CNTNAP2: variants seen among roughly 807,000 people sequenced by gnomAD.
The protein encoded by CNTNAP2 is contactin-associated protein-like 2.
In CNTNAP2, 98 loss-of-function variants were observed where a neutral mutation model predicts 155.2. The observed-to-expected ratio is 0.63, with a 90% CI of 0.54 to 0.75. The LOEUF (loss-of-function observed/expected upper bound fraction) is 0.75, where lower values mean the gene tolerates loss of function less well. Among genes scored for constraint, CNTNAP2 ranks in the 30% least tolerant of loss-of-function variants. CNTNAP2 has a pLI of 0.00. For synonymous variants in CNTNAP2, 651 were observed against 631.2 expected (o/e 1.03, Z -0.47); for missense variants, 1,727 against 1,688.1 (o/e 1.02, Z -0.40).
intron 8 of CNTNAP2, among the ~76,000 whole-genome samples, chr7:147,208,671 C>T (rs1225208139): frequency 6.6e-6 from 1 of 151,968 alleles, no homozygotes; most frequent in Non-Finnish European, 1.5e-5. Context: ...TGTTAAGATA[C>T]ACTCACCTAT....
intron 10 of CNTNAP2, among the ~76,000 whole-genome samples, chr7:147,427,580 G>C (rs142490647): frequency 6.6e-6 from 1 of 152,274 alleles, no homozygotes; most frequent in African/African-American, 2.4e-5. Context: ...GGGTGTTTTA[G>C]TGGGTAGATA....
At chr7:146,193,982 T>C (rs914018522) in intron 1 of CNTNAP2, among the ~76,000 whole-genome samples, 2 of 152,210 alleles carry the variant, frequency 1.3e-5, no homozygotes, top group Admixed American at 1.3e-4. Context: ...AGAGTCACCT[T>C]TATGCCAGTT....
At chr7:146,961,040 C>T (rs1438934057) in intron 3 of CNTNAP2, among the ~76,000 whole-genome samples, 1 of 152,182 alleles carries the variant, frequency 6.6e-6, no homozygotes, top group Non-Finnish European at 1.5e-5. Context: ...GTCTTCCCCA[C>T]TATTATTTTA....
At chr7:148,270,324 A>G (rs1796751816) in intron 21 of CNTNAP2, among the ~76,000 whole-genome samples, 1 of 152,222 alleles carries the variant, frequency 6.6e-6, no homozygotes, top group Non-Finnish European at 1.5e-5. Flanking sequence ...CTGCATACAC[A>G]AACTAGGTAA....
chr7:146,559,413 T>C (rs1431963632), intron 1 of CNTNAP2, among the ~76,000 whole-genome samples: 1 of 151,806 alleles, frequency 6.6e-6, no homozygotes, highest in Non-Finnish European at 1.5e-5. Context: ...ACTAAAAATA[T>C]AAAAATTAAC....
At chr7:148,408,051 G>T (rs960364521) in intron 22 of CNTNAP2, among the ~76,000 whole-genome samples, 1 of 152,074 alleles carries the variant, frequency 6.6e-6, no homozygotes, top group African/African-American at 2.4e-5. Context: ...TTGAGACCAG[G>T]CTGGCTAACA....
chr7:146,825,716 A>G (rs550105068), intron 2 of CNTNAP2, among the ~76,000 whole-genome samples: 1 of 152,168 alleles, frequency 6.6e-6, no homozygotes, highest in Non-Finnish European at 1.5e-5. Context: ...ATCTGTCTCA[A>G]TTGTCATGAG....
intron 6 of CNTNAP2, chr7:147,122,328 G>A (rs567898911): frequency 6.6e-6 from 1 of 152,334 alleles, no homozygotes; most frequent in African/African-American, 2.4e-5. Context: ...CTTAGTTCAT[G>A]GAGCCCTTAG....
At chr7:147,927,669 T>C (rs552204961) in intron 14 of CNTNAP2, among the ~76,000 whole-genome samples, 2 of 152,378 alleles carry the variant, frequency 1.3e-5, no homozygotes, top group African/African-American at 4.8e-5. Context: ...AGATTAACTA[T>C]ACTTGATCAA....
At chr7:146,964,356 G>A (rs1797614576) in intron 3 of CNTNAP2, among the ~76,000 whole-genome samples, 1 of 152,082 alleles carries the variant, frequency 6.6e-6, no homozygotes, top group East Asian at 1.9e-4. Flanking sequence ...AGTATTCTTT[G>A]GGGTTGTCTT....
chr7:147,883,535 G>T (rs562852685), intron 13 of CNTNAP2, among the ~76,000 whole-genome samples: 1 of 152,324 alleles, frequency 6.6e-6, no homozygotes, highest in South Asian at 2.1e-4. Flanking sequence ...TATGTTCAGA[G>T]ATGGTTATAT....
chr7:146,334,834 T>A (rs561413073), intron 1 of CNTNAP2, among the ~76,000 whole-genome samples: 2 of 152,360 alleles, frequency 1.3e-5, no homozygotes, highest in East Asian at 3.9e-4. Flanking sequence ...ACTTCAGTTA[T>A]CAGTATTATT....
intron 2 of CNTNAP2, among the ~76,000 whole-genome samples, chr7:146,824,007 G>C (rs1803349668): frequency 6.6e-6 from 1 of 152,040 alleles, no homozygotes. Context: ...ACATGCATTA[G>C]GTATTTCTCC....
chr7:146,598,612 C>G (rs1476805768), intron 1 of CNTNAP2, among the ~76,000 whole-genome samples: 2 of 151,856 alleles, frequency 1.3e-5, no homozygotes, highest in Non-Finnish European at 2.9e-5. Context: ...TCCTTTTTTT[C>G]TGGAATACTT....
chr7:147,888,764 C>T (rs1799639036), intron 13 of CNTNAP2, among the ~76,000 whole-genome samples: 2 of 150,194 alleles, frequency 1.3e-5, no homozygotes, highest in African/African-American at 4.9e-5. Context: ...ATATGCCACC[C>T]AGAAAAAAAC....
At chr7:146,351,407 G>C (rs1794913063) in intron 1 of CNTNAP2, among the ~76,000 whole-genome samples, 1 of 152,030 alleles carries the variant, frequency 6.6e-6, no homozygotes, top group Non-Finnish European at 1.5e-5. Flanking sequence ...TTTTATGTTT[G>C]CTTATTTTAA....
At chr7:146,765,285 T>C (rs1461643299) in intron 1 of CNTNAP2, among the ~76,000 whole-genome samples, 4 of 152,206 alleles carry the variant, frequency 2.6e-5, no homozygotes, top group African/African-American at 7.2e-5. Flanking sequence ...TTTTAAGTTG[T>C]TGAAGATCAG....
chr7:146,140,294 G>A (rs2116755454), intron 1 of CNTNAP2, among the ~76,000 whole-genome samples: 1 of 152,214 alleles, frequency 6.6e-6, no homozygotes, highest in African/African-American at 2.4e-5. Flanking sequence ...GTTGATGGCA[G>A]AGTCTTCTTC....
At chr7:146,587,997 CGTGTGTGTAT>C (rs1369028227) in intron 1 of CNTNAP2, among the ~76,000 whole-genome samples, 2 of 135,778 alleles carry the variant, frequency 1.5e-5, no homozygotes, top group South Asian at 2.3e-4. Flanking sequence ...TCAAACAAAC[CGTGTGTGTAT>C]GTGTGTGTGT....
Sources: gnomAD v4.1 joint callset for allele counts (sites outside exome capture counted in the v4.1 genomes callset) on GRCh38, gnomAD v4.1.1 for gene constraint, MANE v1.5 for transcripts, NCBI Gene and HGNC (gene_info 2026-07-23, HGNC 2026-07-21) for gene names.